The following EPHA10 variants were observed in gnomAD, a reference collection of about 807,000 sequenced individuals.
The protein encoded by EPHA10 is EPH receptor A10.
Under a neutral mutation model 109.7 loss-of-function variants are expected in EPHA10, and 120 were observed. The observed-to-expected ratio is 1.09, with a 90% CI of 0.94 to 1.27. The LOEUF is 1.27. Among genes scored for constraint, EPHA10 ranks in the 50% most tolerant of loss-of-function variants. The pLI is 0.00. For synonymous variants in EPHA10, 640 were observed against 618.9 expected, an observed-to-expected ratio of 1.03 and a Z score of -0.51; for missense variants, 1,396 against 1,411.1, an observed-to-expected ratio of 0.99 and a Z score of 0.17.
chr1:37,745,201 CA>C lies in EPHA10; in HGVS notation c.1357+7674del, dbSNP rs1474422563. ...TTAGAGCAACCCTGGGAAATGAACA[CA>C]AGGGTCTAGTGTCTGTAATACATAT... On this transcript the variant is annotated intron_variant, in intron 5 of 16. Coordinates refer to ENST00000373048, the MANE Select transcript of EPHA10 (RefSeq NM_001099439.2). Among the ~76,000 whole-genome samples, 3 of 152,244 alleles carry C rather than the reference CA, an allele frequency of 2.0e-5. No homozygotes were observed. In the East Asian group the frequency reaches 5.8e-4, roughly 29 times the overall value.
Position 37,754,139 on chromosome 1 carries a change from C to T in EPHA10, c.1006+76G>A, listed in dbSNP as rs981383645. 2 of 1,245,164 alleles carry T rather than the reference C, an allele frequency of 1.6e-6. No individual in the cohort carries two copies. Among genetic ancestry groups the T allele is most frequent in the Admixed American group, 8.4e-5 (2 of 23,734 alleles). 77.1% of individuals were successfully genotyped at this position (1,245,164 alleles called of 1,614,324 possible). On this transcript the variant is annotated intron_variant, in intron 4 of 16. Transcript: ENST00000373048. This position sits in a 1 kb window ranked among gnomAD's most constrained non-coding sequence, Gnocchi z 4.5. ...CAGTGCGGAGACCCTGCCCTCACCA[C>T]CACCTGGATCAGGCCTTCCTTCTTG...
rs947529706 is a variant in EPHA10, at chr1:37,764,492, G to A, written c.106+469C>T. On this transcript the variant is annotated intron_variant, in intron 1 of 16. Coordinates refer to ENST00000373048, the MANE Select transcript of EPHA10 (RefSeq NM_001099439.2). This position sits in a 1 kb window ranked among gnomAD's most constrained non-coding sequence, Gnocchi z 5.8. ...CGGACAGTTCCATGATCAGCACGTC[G>A]GGCAGCGCCCGGATCCAGCCCCCTC... Among the ~76,000 whole-genome samples the A allele has an allele frequency of 3.9e-5, 6 of 152,218 alleles. No homozygotes were observed. Among genetic ancestry groups the A allele is most frequent in the Non-Finnish European group, 7.3e-5 (5 of 68,040 alleles).
At position 37,754,520 on chromosome 1, in the gene EPHA10, G is replaced by T; in HGVS notation, c.851-150C>A. On this transcript the variant is annotated intron_variant, in intron 3 of 16. Transcript: ENST00000373048. This position sits in a 1 kb window ranked among gnomAD's most constrained non-coding sequence, Gnocchi z 4.5. ...ACTCCAGTCAGCACTGCCCCGTGGA[G>T]TGACTCCTGAACAACCCATTACCTA... 1 of 669,098 alleles carries T rather than the reference G, an allele frequency of 1.5e-6. No individual in the cohort carries two copies. Among genetic ancestry groups the T allele is most frequent in the Non-Finnish European group, 2.1e-6 (1 of 471,570 alleles). The allele number at this position is 669,098 out of a possible 1,614,324, so 41.4% of individuals were successfully genotyped here. A position where few individuals can be genotyped will look rare whatever the true frequency, so the allele number is the denominator to read the frequency against.
rs1210083195 is a variant in EPHA10 at position 37,727,092 on chromosome 1, A to C, written c.1772+10T>G. 2 of 1,604,532 alleles carry C rather than the reference A, an allele frequency of 1.2e-6. No homozygotes were observed. Among genetic ancestry groups the C allele is most frequent in the Non-Finnish European group, 1.7e-6 (2 of 1,174,658 alleles). ...ACCAGGAGTCACCTAGGCTGGGGCC[A>C]GCCACCTACCTCCTCCAAATGGCCA... On this transcript the variant is annotated intron_variant, in intron 8 of 16. Coordinates refer to ENST00000373048, the MANE Select transcript of EPHA10 (RefSeq NM_001099439.2).
intron 3 of EPHA10, among the ~76,000 whole-genome samples, chr1:37,759,759 A>T (rs1193961932): frequency 6.6e-6 from 1 of 151,778 alleles, no homozygotes. Context: ...TAGCTGCTAC[A>T]CGCAAGCCCA....
intron 5 of EPHA10, among the ~76,000 whole-genome samples, chr1:37,736,403 G>T (rs976641495): frequency 4.0e-5 from 6 of 151,032 alleles, no homozygotes; most frequent in African/African-American, 1.2e-4. Context: ...TTGAACCCGG[G>T]AGGTGGAGGT....
intron 6 of EPHA10, chr1:37,734,483 G>A (rs896354481): frequency 3.5e-5 from 13 of 373,934 alleles, no homozygotes; most frequent in Non-Finnish European, 5.2e-5. Flanking sequence ...GCAGTGAGCC[G>A]AGATCATGTC....
In EPHA10 at chr1:37,718,341, C is replaced by T. The variant is rs767340347; in HGVS notation, c.*31G>A. The T allele has an allele frequency of 1.0e-5, 16 of 1,546,100 alleles. No individual in the cohort carries two copies. Among genetic ancestry groups the T allele is most frequent in the South Asian group, 2.4e-5 (2 of 82,972 alleles). On this transcript the variant is annotated 3_prime_UTR_variant, in exon 17 of 17. Transcript: ENST00000373048. ...CAGGGCTGGGGGACTGGACCCCCAC[C>T]GGAGTCCTGCCTTGGAAGAATGGGG... is the stretch of plus-strand genomic sequence containing the variant.
intron 3 of EPHA10, 104 bp downstream of exon 3, chr1:37,761,301 C>A: frequency 6.5e-7 from 1 of 1,542,056 alleles, no homozygotes; most frequent in Non-Finnish European, 8.7e-7. Flanking sequence ...GCTTCTCCAC[C>A]GCCCCCCGAC....
chr1:37,717,253 G>C lies in EPHA10; in HGVS notation c.*1119C>G, dbSNP rs925787479. ...CAGGGCTCTTCAAAGTCAGAGCAGG[G>C]AGGGGCTCCATGGAAGGCTGGGTAG... On this transcript the variant is annotated 3_prime_UTR_variant, in exon 17 of 17. Transcript: ENST00000373048. 2 of 232,968 alleles carry C rather than the reference G, an allele frequency of 8.6e-6. No individual in the cohort carries two copies. The highest frequency in any genetic ancestry group is 4.4e-5 in the African/African-American group (2 of 45,350). 14.4% of individuals were successfully genotyped at this position (232,968 alleles called of 1,614,324 possible).
chr1:37,763,101 A>G (rs1335549516), intron 1 of EPHA10, among the ~76,000 whole-genome samples: 1 of 152,126 alleles, frequency 6.6e-6, no homozygotes, highest in Non-Finnish European at 1.5e-5. Context: ...TATTACCACA[A>G]ATTTAGTGGC....
chr1:37,714,921 A>G (rs1427852717), downstream of EPHA10: 1 of 152,252 alleles, frequency 6.6e-6, no homozygotes, highest in Non-Finnish European at 1.5e-5. Context: ...GCTGTGTTAC[A>G]GTCTGAGGTG....
chr1:37,722,019 T>C, intron 10 of EPHA10, 174 bp from the exon 11 acceptor site: 2 of 571,464 alleles, frequency 3.5e-6, no homozygotes, highest in Non-Finnish European at 5.8e-6. Flanking sequence ...TAATCCCAGC[T>C]ACTTGAGAAG....
chr1:37,723,473 G>A (rs1645836444), intron 8 of EPHA10, 101 bp from the exon 9 acceptor site: 29 of 1,330,162 alleles, frequency 2.2e-5, no homozygotes, highest in Non-Finnish European at 3.0e-5. Context: ...AAAAGACAAG[G>A]CCTGTGCCCT....
intron 9 of EPHA10, 65 bp from the exon 10 acceptor site, chr1:37,723,231 A>G (rs1478429061): frequency 6.2e-7 from 1 of 1,606,200 alleles, no homozygotes; most frequent in Non-Finnish European, 8.5e-7. Flanking sequence ...AAGCGGGCTC[A>G]TGCAGTGTAG....
At chr1:37,757,958 A>C (rs559536534) in intron 3 of EPHA10, among the ~76,000 whole-genome samples, 2 of 152,222 alleles carry the variant, frequency 1.3e-5, no homozygotes, top group East Asian at 3.9e-4. Flanking sequence ...CCAGTCCTAG[A>C]GGAGGGAATG....
In EPHA10 at chr1:37,727,265, C is replaced by T. The variant is rs932154808; in HGVS notation, c.1664-55G>A. The T allele has an allele frequency of 2.8e-5, 41 of 1,444,940 alleles. No individual in the cohort carries two copies. In the Admixed American group the frequency reaches 7.7e-4, roughly 27 times the overall value. 89.5% of individuals were successfully genotyped at this position (1,444,940 alleles called of 1,614,324 possible). ...GCAGAGGACCAGGCTCCTAGGCAAGCCCCAGGGCAGACTCCTGTCCTCACC... is the reference window on the plus strand; with the variant it reads ...GCAGAGGACCAGGCTCCTAGGCAAGTCCCAGGGCAGACTCCTGTCCTCACC... On this transcript the variant is annotated intron_variant, in intron 7 of 16. Transcript: ENST00000373048.
intron 7 of EPHA10, among the ~76,000 whole-genome samples, chr1:37,728,318 T>C (rs1645927538): frequency 6.6e-6 from 1 of 152,278 alleles, no homozygotes; most frequent in South Asian, 2.1e-4. Flanking sequence ...AACTTTCTCC[T>C]GTGGGTGACA....
Position 37,753,162 on chromosome 1 carries a change from C to T in EPHA10, c.1071G>A (p.Leu357=), listed in dbSNP as rs1283451102. ...CCGAGTCGGCCGGCGGCAGCCAGCG[C>T]AGTCGCAGCACCAGCGGCGAGCGGC... is the stretch of plus-strand genomic sequence containing the variant. The part of the protein sequence containing the change: ...SLSRSPLVLR[L]RWLPPADSGG... The change falls in exon 5 of 17, where the codon CTG becomes CTA. Residue 357 remains leucine (L), a synonymous_variant. Coordinates refer to ENST00000373048, the MANE Select transcript of EPHA10 (RefSeq NM_001099439.2). 1.4e-6 allele frequency: 2 copies of T among 1,408,324 alleles called. No individual in the cohort carries two copies. The highest frequency in any genetic ancestry group is 3.1e-5 in the East Asian group (1 of 32,156). 87.2% of individuals were successfully genotyped at this position (1,408,324 alleles called of 1,614,324 possible).
Sources: allele counts gnomAD v4.1 joint callset (sites outside exome capture counted in the v4.1 genomes callset), GRCh38; gene constraint gnomAD v4.1.1; non-coding constraint Gnocchi (gnomAD v3.1); transcripts MANE v1.5; gene names NCBI Gene and HGNC (gene_info 2026-07-23, HGNC 2026-07-21).